Variants in INSR observed in about 807,000 individuals in gnomAD.
INSR encodes IR.
INSR carries 67 observed loss-of-function variants against 142.6 expected under a neutral mutation model. The observed-to-expected ratio is 0.47, with a 90% CI of 0.39 to 0.58. The LOEUF (loss-of-function observed/expected upper bound fraction) is 0.58. Ranked by LOEUF, INSR falls within the 20% of genes least tolerant of loss-of-function variation. The pLI is 0.00. For synonymous variants in INSR, 756 were observed against 743.1 expected (o/e 1.02, Z -0.28); for missense variants, 1,248 against 1,833.2 (o/e 0.68, Z 5.83).
In INSR at chr19:7,264,130, T is replaced by C. The variant is rs1439010876; in HGVS notation, c.652+3215A>G. 3.3e-5 allele frequency among the ~76,000 whole-genome samples: 5 copies of C among 150,062 alleles called. No individual in the cohort carries two copies. In the Admixed American group the frequency reaches 3.3e-4, roughly 10 times the overall value. On this transcript the variant is annotated intron_variant, in intron 2 of 21. Coordinates refer to ENST00000302850, the MANE Select transcript of INSR (RefSeq NM_000208.4). ...ATTGCGGTGAGCCAAGATCATGCCA[T>C]TGCACTCCAGCCTGGGCAACAAAAG...
chr19:7,164,092 TAAAAAAA>T (rs4031077), intron 8 of INSR, among the ~76,000 whole-genome samples: 4 of 80,276 alleles, frequency 5.0e-5, no homozygotes, highest in East Asian at 3.9e-4. Flanking sequence ...GAAACTCCGT[TAAAAAAA>T]AAAAAAAAAA....
chr19:7,144,914 G>A (rs769518413), intron 11 of INSR, among the ~76,000 whole-genome samples: 1 of 151,824 alleles, frequency 6.6e-6, no homozygotes, highest in Non-Finnish European at 1.5e-5. Context: ...CTGCATTCCA[G>A]GACAATCTCA....
At chr19:7,259,335 T>G (rs10427021) in intron 2 of INSR, among the ~76,000 whole-genome samples, 23,891 of 151,438 alleles carry the variant, frequency 0.16, 2,099 homozygotes, top group East Asian at 0.31. Flanking sequence ...CCCATGTGTG[T>G]GGGGTGCGCG....
chr19:7,199,560 CTT>C (rs3084138), intron 2 of INSR, among the ~76,000 whole-genome samples: 4 of 78,686 alleles, frequency 5.1e-5, no homozygotes, highest in African/African-American at 1.6e-4. Context: ...ACTGCGACAG[CTT>C]TTTTTTTTTT....
chr19:7,284,603 A>C (rs1264026512), intron 1 of INSR, among the ~76,000 whole-genome samples: 1 of 152,058 alleles, frequency 6.6e-6, no homozygotes, highest in Non-Finnish European at 1.5e-5. Context: ...ATCTCGGCTC[A>C]CTGCAACCTC....
chr19:7,278,983 G>T (rs1242619483), intron 1 of INSR, among the ~76,000 whole-genome samples: 2 of 152,052 alleles, frequency 1.3e-5, no homozygotes, highest in African/African-American at 4.8e-5. Flanking sequence ...ACAAAAATTA[G>T]CCAGGGATGG....
intron 2 of INSR, among the ~76,000 whole-genome samples, chr19:7,217,685 A>G (rs1041867611): frequency 7.2e-5 from 11 of 152,124 alleles, no homozygotes; most frequent in Admixed American, 1.3e-4. Context: ...TCAGCCTCCC[A>G]AGTAGGTGGG....
chr19:7,237,852 T>A (rs953014964), intron 2 of INSR, among the ~76,000 whole-genome samples: 8 of 151,672 alleles, frequency 5.3e-5, no homozygotes, highest in African/African-American at 1.5e-4. Context: ...TAAATTAAAT[T>A]AAATTAAATT....
intron 2 of INSR, among the ~76,000 whole-genome samples, chr19:7,247,937 C>T (rs1330948285): frequency 6.6e-6 from 1 of 152,094 alleles, no homozygotes; most frequent in Non-Finnish European, 1.5e-5. Context: ...GTGGCTGTGG[C>T]TGGCAGAGCT....
At chr19:7,177,777 C>T (rs950606570) in intron 3 of INSR, among the ~76,000 whole-genome samples, 3 of 144,950 alleles carry the variant, frequency 2.1e-5, no homozygotes, top group African/African-American at 2.5e-5. Flanking sequence ...GAACTCCCAA[C>T]CTCAGGTGAT....
chr19:7,183,171 C>T (rs551126619), intron 3 of INSR, among the ~76,000 whole-genome samples: 1 of 152,126 alleles, frequency 6.6e-6, no homozygotes, highest in Non-Finnish European at 1.5e-5. Flanking sequence ...GGCTAATTCT[C>T]AAGTCTGAAG....
At chr19:7,129,443 G>A (rs1030059601) in intron 14 of INSR, among the ~76,000 whole-genome samples, 3 of 152,030 alleles carry the variant, frequency 2.0e-5, no homozygotes, top group Admixed American at 2.0e-4. Flanking sequence ...TCCTGCCTCA[G>A]CCTCCCAAGT....
At chr19:7,155,998 T>C (rs1324692846) in intron 9 of INSR, among the ~76,000 whole-genome samples, 2 of 148,456 alleles carry the variant, frequency 1.3e-5, no homozygotes, top group African/African-American at 4.9e-5. Flanking sequence ...AATCAATCAA[T>C]TAATCAACCA....
chr19:7,211,878 G>A (rs1350045712), intron 2 of INSR, among the ~76,000 whole-genome samples: 5 of 152,162 alleles, frequency 3.3e-5, no homozygotes, highest in East Asian at 1.9e-4. Context: ...ACTGGGTCAC[G>A]GGCTACACGC....
intron 1 of INSR, among the ~76,000 whole-genome samples, chr19:7,291,938 G>C (rs911938819): frequency 7.2e-5 from 11 of 151,892 alleles, no homozygotes; most frequent in Admixed American, 3.3e-4. Context: ...GACTACAGGC[G>C]CCCGCCACCA....
chr19:7,212,270 G>T (rs1296310417), intron 2 of INSR, among the ~76,000 whole-genome samples: 2 of 152,148 alleles, frequency 1.3e-5, no homozygotes, highest in Non-Finnish European at 2.9e-5. Flanking sequence ...GGTTAAGTTG[G>T]TCCATCTGTC....
intron 2 of INSR, among the ~76,000 whole-genome samples, chr19:7,227,588 G>T (rs146840278): frequency 6.6e-6 from 1 of 152,034 alleles, no homozygotes; most frequent in African/African-American, 2.4e-5. Context: ...TTGCATTCTC[G>T]TCGAAAGATC....
intron 3 of INSR, among the ~76,000 whole-genome samples, chr19:7,179,831 G>A (rs1231046912): frequency 6.6e-6 from 1 of 152,194 alleles, no homozygotes; most frequent in Non-Finnish European, 1.5e-5. Context: ...AAATGACCAT[G>A]AGTTCTTTGC....
At chr19:7,183,191 C>T (rs1470341052) in intron 3 of INSR, among the ~76,000 whole-genome samples, 1 of 151,842 alleles carries the variant, frequency 6.6e-6, no homozygotes, top group African/African-American at 2.4e-5. Context: ...GAGGAAGATA[C>T]TTTACGTAAG....
Sources: gnomAD v4.1 joint callset for allele counts (sites outside exome capture counted in the v4.1 genomes callset) on GRCh38, gnomAD v4.1.1 for gene constraint, MANE v1.5 for transcripts, NCBI Gene and HGNC (gene_info 2026-07-23, HGNC 2026-07-21) for gene names.